OPCML: variants seen among roughly 807,000 people sequenced by gnomAD.
OPCML encodes opioid binding protein/cell adhesion molecule like.
A neutral mutation model predicts 37.8 loss-of-function variants in OPCML; 13 were observed. The ratio of observed to expected loss-of-function variants is 0.34; its 90% CI spans 0.22 to 0.55. The LOEUF (loss-of-function observed/expected upper bound fraction) is 0.55, where lower values mean the gene tolerates loss of function less well. Among genes scored for constraint, OPCML ranks in the 20% least tolerant of loss-of-function variants. The pLI is 0.91. For synonymous variants in OPCML, 176 were observed against 168.8 expected (o/e 1.04, Z -0.33); for missense variants, 341 against 435.6 (o/e 0.78, Z 1.93).
intron 2 of OPCML, among the ~76,000 whole-genome samples, chr11:132,814,843 C>T (rs577404343): frequency 8.5e-5 from 13 of 152,230 alleles, no homozygotes; most frequent in African/African-American, 2.9e-4. Flanking sequence ...GTGGAAGCAG[C>T]TCACAAGAGG....
At chr11:133,077,769 G>A (rs1244372960) in intron 1 of OPCML, among the ~76,000 whole-genome samples, 1 of 152,050 alleles carries the variant, frequency 6.6e-6, no homozygotes, top group African/African-American at 2.4e-5. Context: ...ACTCCTATTG[G>A]AATATAGGCA....
chr11:133,374,216 G>GA (rs1944746662), intron 1 of OPCML, among the ~76,000 whole-genome samples: 1 of 152,052 alleles, frequency 6.6e-6, no homozygotes, highest in African/African-American at 2.4e-5. Context: ...TATGTTCAAT[G>GA]AAAAAAAGCC....
chr11:132,514,528 T>C (rs2137202546), intron 4 of OPCML, among the ~76,000 whole-genome samples: 1 of 152,240 alleles, frequency 6.6e-6, no homozygotes, highest in South Asian at 2.1e-4. Context: ...TCCTGCTGGG[T>C]TCTGGAGGGC....
intron 4 of OPCML, among the ~76,000 whole-genome samples, chr11:132,438,862 C>G (rs765211516): frequency 4.4e-4 from 67 of 152,014 alleles, no homozygotes; most frequent in Non-Finnish European, 1.0e-4. Context: ...TTGGGGGCTT[C>G]CACCACCCAC....
At chr11:133,311,479 C>T (rs1230386138) in intron 1 of OPCML, among the ~76,000 whole-genome samples, 1 of 152,162 alleles carries the variant, frequency 6.6e-6, no homozygotes, top group Non-Finnish European at 1.5e-5. Context: ...AAGCAAAATG[C>T]TCAGCTGGTG....
At chr11:132,962,240 A>C (rs1946108475) in intron 1 of OPCML, among the ~76,000 whole-genome samples, 1 of 152,228 alleles carries the variant, frequency 6.6e-6, no homozygotes, top group Non-Finnish European at 1.5e-5. Flanking sequence ...GAATCATCTC[A>C]GGAAGAAAAC....
chr11:133,075,977 A>G (rs1438015350), intron 1 of OPCML, among the ~76,000 whole-genome samples: 1 of 152,252 alleles, frequency 6.6e-6, no homozygotes, highest in Admixed American at 6.5e-5. Context: ...GATATAAAAT[A>G]TCTAATGTAA....
At chr11:133,150,975 A>G (rs1313966150) in intron 1 of OPCML, among the ~76,000 whole-genome samples, 1 of 152,112 alleles carries the variant, frequency 6.6e-6, no homozygotes, top group South Asian at 2.1e-4. Context: ...GCTATTTCAG[A>G]GACATTAATA....
chr11:133,142,947 C>A (rs534531388), intron 1 of OPCML, among the ~76,000 whole-genome samples: 2 of 152,138 alleles, frequency 1.3e-5, no homozygotes, highest in Non-Finnish European at 2.9e-5. Context: ...TGTAATTGTG[C>A]AACCCAGGCA....
intron 2 of OPCML, among the ~76,000 whole-genome samples, chr11:132,709,015 A>G (rs1041610837): frequency 1.3e-5 from 2 of 152,132 alleles, no homozygotes; most frequent in African/African-American, 4.8e-5. Context: ...TAAAAGAAGA[A>G]AGGCAGGTAT....
At chr11:133,049,014 C>A (rs1368629303) in intron 1 of OPCML, among the ~76,000 whole-genome samples, 1 of 152,152 alleles carries the variant, frequency 6.6e-6, no homozygotes, top group Non-Finnish European at 1.5e-5. Context: ...ACTATTTATA[C>A]AAAAATATTT....
intron 4 of OPCML, among the ~76,000 whole-genome samples, chr11:132,471,137 A>G (rs1208830688): frequency 1.3e-5 from 2 of 152,208 alleles, no homozygotes; most frequent in African/African-American, 2.4e-5. Context: ...TATTCAATAC[A>G]GCCCTTGATA....
chr11:132,994,631 C>G (rs1261286336), intron 1 of OPCML, among the ~76,000 whole-genome samples: 1 of 152,136 alleles, frequency 6.6e-6, no homozygotes, highest in African/African-American at 2.4e-5. Flanking sequence ...ACCCACCCAC[C>G]GGTACCTGAC....
chr11:133,019,477 G>A (rs1172016400), intron 1 of OPCML, among the ~76,000 whole-genome samples: 2 of 152,178 alleles, frequency 1.3e-5, no homozygotes, highest in Non-Finnish European at 2.9e-5. Context: ...GGTTAATTAA[G>A]TGCAGCTGCC....
intron 3 of OPCML, among the ~76,000 whole-genome samples, chr11:132,575,206 A>T (rs1011940121): frequency 9.2e-5 from 14 of 151,956 alleles, no homozygotes; most frequent in East Asian, 1.9e-4. Flanking sequence ...TGTTCTTTTT[A>T]AAAAAATCCA....
Position 132,891,994 on chromosome 11 carries a change from G to T in OPCML, c.146+50932C>A, listed in dbSNP as rs183730769. Among the ~76,000 whole-genome samples the T allele has an allele frequency of 1.7e-3, 262 of 152,166 alleles. 1 individual carries two copies. Among genetic ancestry groups the T allele is most frequent in the Middle Eastern group, 6.8e-3 (2 of 294 alleles). The stretch of plus-strand genomic sequence containing the variant: ...TTGCTTCTCTCCTCAAGGACCCACT[G>T]CATGGATTTCCAGCTCCACTCCCTC... On this transcript the variant is annotated intron_variant, in intron 2 of 7. Coordinates refer to ENST00000524381, the MANE Select transcript of OPCML (RefSeq NM_001012393.5).
At chr11:133,129,104 G>C (rs1378191223) in intron 1 of OPCML, among the ~76,000 whole-genome samples, 1 of 152,194 alleles carries the variant, frequency 6.6e-6, no homozygotes, top group South Asian at 2.1e-4. Flanking sequence ...GGAACTGAAA[G>C]ACTCTCTGAG....
At chr11:133,327,135 GGTGA>G (rs1193270584) in intron 1 of OPCML, among the ~76,000 whole-genome samples, 2 of 142,830 alleles carry the variant, frequency 1.4e-5, no homozygotes, top group Non-Finnish European at 3.1e-5. Context: ...GTGTGGGGAG[GGTGA>G]GTGTGTGTAT....
chr11:132,674,965 C>T (rs1370655314), intron 2 of OPCML, among the ~76,000 whole-genome samples: 1 of 152,012 alleles, frequency 6.6e-6, no homozygotes, highest in Non-Finnish European at 1.5e-5. Context: ...TTCCACTTAC[C>T]GTTTTTAAAT....
Sources: gnomAD v4.1 joint callset for allele counts (sites outside exome capture counted in the v4.1 genomes callset) on GRCh38, gnomAD v4.1.1 for gene constraint, MANE v1.5 for transcripts, NCBI Gene and HGNC (gene_info 2026-07-23, HGNC 2026-07-21) for gene names.